Variants in NDUFAF2 observed in about 807,000 individuals in gnomAD.
NDUFAF2 encodes NADH:ubiquinone oxidoreductase complex assembly factor 2.
In NDUFAF2, 13 loss-of-function variants were observed where a neutral mutation model predicts 22.8. The ratio of observed to expected loss-of-function variants is 0.57; its 90% CI spans 0.37 to 0.91. NDUFAF2 has a LOEUF of 0.91. Ranked by LOEUF, NDUFAF2 falls within the 40% of genes least tolerant of loss-of-function variation. NDUFAF2 has a pLI of 0.01. For synonymous variants in NDUFAF2, 53 were observed against 64.2 expected (o/e 0.83, Z 0.84); for missense variants, 162 against 195.2 (o/e 0.83, Z 1.01).
intron 1 of NDUFAF2, among the ~76,000 whole-genome samples, chr5:60,953,272 G>T (rs917200605): frequency 2.0e-5 from 3 of 151,806 alleles, no homozygotes; most frequent in African/African-American, 7.3e-5. Context: ...TGAGTTCAGG[G>T]TTTTTTTTAA....
At chr5:60,981,938 TA>T (rs1377530126) in intron 1 of NDUFAF2, among the ~76,000 whole-genome samples, 8 of 152,056 alleles carry the variant, frequency 5.3e-5, no homozygotes, top group African/African-American at 1.9e-4. Flanking sequence ...TCTCACCATA[TA>T]CAAAAATGAA....
chr5:61,147,787 G>A (rs999496288), intron 3 of NDUFAF2, among the ~76,000 whole-genome samples: 4 of 151,908 alleles, frequency 2.6e-5, no homozygotes, highest in Non-Finnish European at 5.9e-5. Context: ...CTACTGTATT[G>A]TACAGCATAG....
At chr5:61,097,097 AG>A (rs1433588415) in intron 2 of NDUFAF2, among the ~76,000 whole-genome samples, 1 of 152,206 alleles carries the variant, frequency 6.6e-6, no homozygotes, top group African/African-American at 2.4e-5. Flanking sequence ...AGAATAGAGC[AG>A]GGGGAAATGA....
At position 61,087,268 on chromosome 5, in the gene NDUFAF2, G is replaced by A. The variant is rs555361884; in HGVS notation, c.218-11724G>A. Among the ~76,000 whole-genome samples the A allele has an allele frequency of 1.2e-4, 18 of 152,246 alleles. No homozygotes were observed. In the South Asian group the frequency reaches 3.5e-3, roughly 30 times the overall value. On this transcript the variant is annotated intron_variant, in intron 2 of 3. Coordinates refer to ENST00000296597, the MANE Select transcript of NDUFAF2 (RefSeq NM_174889.5). ...CCATGAGAAGAAGCCCCAGAAAGAA[G>A]CTGATTATACTGGCATCTTGATCTC...
chr5:60,984,212 G>T (rs1480551205), intron 1 of NDUFAF2, among the ~76,000 whole-genome samples: 4 of 152,176 alleles, frequency 2.6e-5, no homozygotes, highest in Admixed American at 2.6e-4. Context: ...TGTTATTGGT[G>T]TATAAGAATG....
At chr5:60,965,915 C>A (rs1340534718) in intron 1 of NDUFAF2, among the ~76,000 whole-genome samples, 2 of 151,958 alleles carry the variant, frequency 1.3e-5, no homozygotes, top group Non-Finnish European at 1.5e-5. Flanking sequence ...TATGGTAGTT[C>A]TATTTTTAGT....
At chr5:61,040,286 A>ACACACGCGCGCG (rs1491193758) in intron 1 of NDUFAF2, among the ~76,000 whole-genome samples, 23 of 93,094 alleles carry the variant, frequency 2.5e-4, no homozygotes, top group Admixed American at 3.1e-4. Flanking sequence ...ACACACACAC[A>ACACACGCGCGCG]CGCGCGCGCG....
intron 1 of NDUFAF2, among the ~76,000 whole-genome samples, chr5:60,987,707 A>C (rs2112583317): frequency 6.6e-6 from 1 of 152,352 alleles, no homozygotes; most frequent in South Asian, 2.1e-4. Context: ...ATAGATGCAG[A>C]AAAAGCTTTT....
chr5:61,029,649 G>T (rs1158858230), intron 1 of NDUFAF2, among the ~76,000 whole-genome samples: 1 of 152,126 alleles, frequency 6.6e-6, no homozygotes, highest in African/African-American at 2.4e-5. Flanking sequence ...TGCTGCAAGT[G>T]TCTTCACCCC....
At chr5:60,984,885 T>G (rs1043562416) in intron 1 of NDUFAF2, among the ~76,000 whole-genome samples, 7 of 152,118 alleles carry the variant, frequency 4.6e-5, no homozygotes, top group South Asian at 4.1e-4. Context: ...CCAGGCTTTG[T>G]TATCAGGATG....
chr5:61,022,921 C>T (rs158564), intron 1 of NDUFAF2, among the ~76,000 whole-genome samples: 3 of 152,056 alleles, frequency 2.0e-5, no homozygotes, highest in Admixed American at 6.5e-5. Flanking sequence ...CTAGGATTAC[C>T]GGCGTGAACC....
intron 1 of NDUFAF2, among the ~76,000 whole-genome samples, chr5:61,029,720 C>A (rs1751699766): frequency 6.6e-6 from 1 of 152,112 alleles, no homozygotes; most frequent in African/African-American, 2.4e-5. Flanking sequence ...TTGTCATCTG[C>A]CAAGCTGTTT....
intron 1 of NDUFAF2, among the ~76,000 whole-genome samples, chr5:60,949,213 C>T (rs141308225): frequency 6.6e-6 from 1 of 152,318 alleles, no homozygotes; most frequent in African/African-American, 2.4e-5. Context: ...GTTACAATCT[C>T]TCCTCATCCC....
chr5:61,022,833 C>T (rs1363167545), intron 1 of NDUFAF2, among the ~76,000 whole-genome samples: 3 of 152,024 alleles, frequency 2.0e-5, no homozygotes, highest in Admixed American at 6.6e-5. Context: ...TTAGTAGAGA[C>T]GGAGTTTTGC....
At chr5:60,947,119 T>A (rs192761817) in intron 1 of NDUFAF2, among the ~76,000 whole-genome samples, 1 of 152,178 alleles carries the variant, frequency 6.6e-6, no homozygotes, top group East Asian at 1.9e-4. Context: ...AGTTTTCATA[T>A]CTCTTGGGTA....
intron 1 of NDUFAF2, among the ~76,000 whole-genome samples, chr5:61,038,572 G>A (rs1172763337): frequency 6.6e-6 from 1 of 152,068 alleles, no homozygotes; most frequent in Non-Finnish European, 1.5e-5. Context: ...TATTAGGAGT[G>A]ATAATCTAAA....
At chr5:60,982,708 G>C (rs1207848809) in intron 1 of NDUFAF2, among the ~76,000 whole-genome samples, 1 of 151,840 alleles carries the variant, frequency 6.6e-6, no homozygotes, top group Non-Finnish European at 1.5e-5. Context: ...CTTCGTCCAT[G>C]TCCCTACAAA....
chr5:61,002,260 A>G (rs769795062), intron 1 of NDUFAF2, among the ~76,000 whole-genome samples: 1 of 152,162 alleles, frequency 6.6e-6, no homozygotes, highest in Non-Finnish European at 1.5e-5. Context: ...CTAGCTTAAG[A>G]TAAGAATTGT....
intron 3 of NDUFAF2, among the ~76,000 whole-genome samples, chr5:61,142,129 A>G (rs1413519719): frequency 6.6e-6 from 1 of 152,202 alleles, no homozygotes; most frequent in Non-Finnish European, 1.5e-5. Flanking sequence ...AGGGTAGTTC[A>G]ATTAAATAGG....
Sources: allele counts gnomAD v4.1 joint callset (sites outside exome capture counted in the v4.1 genomes callset), GRCh38; gene constraint gnomAD v4.1.1; transcripts MANE v1.5; gene names NCBI Gene and HGNC (gene_info 2026-07-23, HGNC 2026-07-21).